Variants in SECISBP2L observed in about 807,000 individuals in gnomAD.
SECISBP2L encodes SECIS binding protein 2 like.
A neutral mutation model predicts 114.7 loss-of-function variants in SECISBP2L; 43 were observed. The observed-to-expected ratio is 0.38, with a 90% confidence interval of 0.29 to 0.48. The LOEUF (loss-of-function observed/expected upper bound fraction) is 0.48. Ranked by LOEUF, SECISBP2L falls within the 20% of genes least tolerant of loss-of-function variation. The pLI is 0.98. For synonymous variants in SECISBP2L, 451 were observed against 439.7 expected (o/e 1.03, Z -0.32); for missense variants, 1,136 against 1,301.1 (o/e 0.87, Z 1.95).
intron 13 of SECISBP2L, among the ~76,000 whole-genome samples, chr15:49,011,321 T>TATTA (rs1223195153): frequency 6.6e-6 from 1 of 152,212 alleles, no homozygotes; most frequent in Non-Finnish European, 1.5e-5. Context: ...GTGACATATG[T>TATTA]ATTAATTCCA....
At position 49,016,901 on chromosome 15, in the gene SECISBP2L, G is replaced by C. The variant is rs2141072339; in HGVS notation, c.1366C>G (p.Leu456Val). Reference sequence around the variant, plus strand: ...TCTGAATACTCTTGAGCTGTGGCAAGGGCTGCTGCTAAAGCTTTCTTCTTC... The same window carrying C: ...TCTGAATACTCTTGAGCTGTGGCAACGGCTGCTGCTAAAGCTTTCTTCTTC... ...SQKKKALAAA[L>V]ATAQEYSEIS... Residue 456 changes from leucine (L) to valine (V), a missense_variant, in exon 10 of 18, where the codon CTT becomes GTT. Coordinates refer to ENST00000559471, the MANE Select transcript of SECISBP2L (RefSeq NM_001193489.2). The C allele has an allele frequency of 6.2e-7, 1 of 1,613,948 alleles. No homozygotes were observed. Among genetic ancestry groups the C allele is most frequent in the Non-Finnish European group, 8.5e-7 (1 of 1,179,972 alleles).
chr15:49,041,390 A>C (rs1566864495), intron 1 of SECISBP2L, among the ~76,000 whole-genome samples: 2 of 152,172 alleles, frequency 1.3e-5, no homozygotes, highest in African/African-American at 4.8e-5. Flanking sequence ...AAAGCTCAAG[A>C]CTCTGTCAGA....
chr15:49,019,314 T>A, intron 8 of SECISBP2L, 104 bp downstream of exon 8: 1 of 903,370 alleles, frequency 1.1e-6, no homozygotes. Flanking sequence ...TAGAATCACA[T>A]GTTAAGACAT....
Position 48,991,360 on chromosome 15 carries a change from C to A in SECISBP2L, c.*884G>T, listed in dbSNP as rs1287469716. The A allele has an allele frequency of 6.6e-6, 1 of 152,540 alleles. No individual in the cohort carries two copies. Among genetic ancestry groups the A allele is most frequent in the Non-Finnish European group, 1.5e-5 (1 of 68,032 alleles). 9.4% of individuals were successfully genotyped at this position (152,540 alleles called of 1,614,324 possible). On this transcript the variant is annotated 3_prime_UTR_variant, in exon 18 of 18. Coordinates refer to ENST00000559471, the MANE Select transcript of SECISBP2L (RefSeq NM_001193489.2). ...CATATCTCAAATCAAGAGTCCTGAA[C>A]CAGAAGCATGCAAGAGAACACACCA...
chr15:49,043,554 G>C (rs1218012877), intron 1 of SECISBP2L, among the ~76,000 whole-genome samples: 1 of 149,450 alleles, frequency 6.7e-6, no homozygotes, highest in African/African-American at 2.5e-5. Context: ...GAACCAGTAA[G>C]CCTTTATAAA....
At chr15:49,043,049 C>T (rs1903174002) in intron 1 of SECISBP2L, among the ~76,000 whole-genome samples, 1 of 152,128 alleles carries the variant, frequency 6.6e-6, no homozygotes, top group South Asian at 2.1e-4. Flanking sequence ...CAGAAAATGT[C>T]TTTTTAAATT....
intron 14 of SECISBP2L, chr15:49,001,631 G>A (rs1902212120): frequency 6.6e-6 from 1 of 152,428 alleles, no homozygotes; most frequent in Non-Finnish European, 1.5e-5. Flanking sequence ...CACCCCGACA[G>A]GCCCCGGTGT....
rs1257139054 is a variant in SECISBP2L at position 49,005,319 on chromosome 15, G to T, written c.2027+3897C>A. Among the ~76,000 whole-genome samples, 3 of 123,832 alleles carry T rather than the reference G, an allele frequency of 2.4e-5. No homozygotes were observed. The East Asian group carries it at 6.2e-4, about 26-fold the overall frequency. 81.2% of individuals were successfully genotyped at this position (123,832 alleles called of 152,430 possible). On this transcript the variant is annotated intron_variant, in intron 14 of 17. Coordinates refer to ENST00000559471, the MANE Select transcript of SECISBP2L (RefSeq NM_001193489.2). Reference sequence around the variant, plus strand: ...CACTCCAGCCTGGGTGACAGACCCAGACTCCATCTCAAAAAAAAAGTCTCC... The same window carrying T: ...CACTCCAGCCTGGGTGACAGACCCATACTCCATCTCAAAAAAAAAGTCTCC...
chr15:49,018,310 G>A (rs1175725523), intron 8 of SECISBP2L, among the ~76,000 whole-genome samples: 1 of 149,382 alleles, frequency 6.7e-6, no homozygotes, highest in East Asian at 2.0e-4. Context: ...AGGATAGAGT[G>A]CAATGGCACA....
intron 1 of SECISBP2L, among the ~76,000 whole-genome samples, 151 bp downstream of exon 1, chr15:49,046,122 TGAA>T (rs1233517825): frequency 6.6e-6 from 1 of 152,008 alleles, no homozygotes; most frequent in Non-Finnish European, 1.5e-5. Flanking sequence ...GCTGGAACAA[TGAA>T]GGAGAGCTGG....
intron 1 of SECISBP2L, among the ~76,000 whole-genome samples, chr15:49,041,689 G>A (rs545454770): frequency 6.6e-6 from 1 of 152,144 alleles, no homozygotes; most frequent in East Asian, 1.9e-4. Context: ...GGAACATAAC[G>A]AGACACTCTC....
chr15:49,009,524 T>C, intron 13 of SECISBP2L, 146 bp from the exon 14 acceptor site: 6 of 691,230 alleles, frequency 8.7e-6, no homozygotes, highest in Non-Finnish European at 1.4e-5. Context: ...ATTTTTCATA[T>C]CACAAATAAA....
chr15:49,028,818 G>T (rs1902819851), intron 4 of SECISBP2L, 136 bp from the exon 5 acceptor site: 1 of 737,670 alleles, frequency 1.4e-6, no homozygotes. Flanking sequence ...TTTTTGAAAA[G>T]GTCATTAAAA....
intron 1 of SECISBP2L, among the ~76,000 whole-genome samples, chr15:49,041,040 G>A (rs1057372393): frequency 6.6e-6 from 1 of 151,876 alleles, no homozygotes; most frequent in Non-Finnish European, 1.5e-5. Flanking sequence ...TCTGTGTTTA[G>A]TCTCTCTACT....
At chr15:49,004,243 T>C (rs1566853525) in intron 14 of SECISBP2L, among the ~76,000 whole-genome samples, 1 of 152,208 alleles carries the variant, frequency 6.6e-6, no homozygotes, top group Non-Finnish European at 1.5e-5. Context: ...GTTTATAGTA[T>C]TCTCTGATGG....
intron 14 of SECISBP2L, among the ~76,000 whole-genome samples, chr15:49,007,081 G>A (rs181156349): frequency 6.6e-6 from 1 of 152,302 alleles, no homozygotes; most frequent in East Asian, 1.9e-4. Context: ...GGAGTTTGCT[G>A]GAGGTCCACT....
chr15:49,007,764 G>T (rs746417386), intron 14 of SECISBP2L, among the ~76,000 whole-genome samples: 2 of 152,120 alleles, frequency 1.3e-5, no homozygotes. Flanking sequence ...CCTCCTCTGG[G>T]CTTGGATAGA....
intron 17 of SECISBP2L, among the ~76,000 whole-genome samples, 174 bp from the exon 18 acceptor site, chr15:48,993,100 A>AGTGTGTGTGTGTGTGTGT (rs71120653): frequency 1.4e-5 from 2 of 139,130 alleles, no homozygotes; most frequent in African/African-American, 2.8e-5. Flanking sequence ...ACAGAGAGAG[A>AGTGTGTGTGTGTGTGTGT]GTGTGTGTGT....
At position 48,993,686 on chromosome 15, in the gene SECISBP2L, A is replaced by AAT. The variant is rs35939252; in HGVS notation, c.2624-762_2624-761dup. ...TAACATCTGTGAAAGGTTGTTTTATAATATATATATATATATAGCTTGGCT... is the reference window on the plus strand; with the variant it reads ...TAACATCTGTGAAAGGTTGTTTTATAATATATATATATATATATAGCTTGGCT... On this transcript the variant is annotated intron_variant, in intron 17 of 17. Coordinates refer to ENST00000559471, the MANE Select transcript of SECISBP2L (RefSeq NM_001193489.2). Among the ~76,000 whole-genome samples, 686 of 148,746 alleles carry AAT rather than the reference A, an allele frequency of 4.6e-3. 1 individual carries two copies. Among genetic ancestry groups the AAT allele is most frequent in the South Asian group, 0.019 (92 of 4,750 alleles).
Sources: allele counts gnomAD v4.1 joint callset (sites outside exome capture counted in the v4.1 genomes callset), GRCh38; gene constraint gnomAD v4.1.1; transcripts MANE v1.5; gene names NCBI Gene and HGNC (gene_info 2026-07-23, HGNC 2026-07-21).